CES5A: variants seen among roughly 807,000 people sequenced by gnomAD.
CES5A encodes carboxylesterase 5.
In CES5A, 67 loss-of-function variants were observed where a neutral mutation model predicts 62.9. The observed-to-expected ratio is 1.07, with a 90% CI of 0.88 to 1.31. The LOEUF is 1.31. Ranked by LOEUF, CES5A falls within the 50% of genes most tolerant of loss-of-function variation. The probability of loss-of-function intolerance (pLI) is 0.00; values close to 1 mark genes in which losing one functional copy is unlikely to be tolerated. For missense variants in CES5A, 748 were observed against 708.5 expected (o/e 1.06, Z -0.63); for synonymous variants, 296 against 280.8 (o/e 1.05, Z -0.54).
chr16:55,865,489 T>C (rs1240383104), intron 5 of CES5A, among the ~76,000 whole-genome samples: 1 of 152,238 alleles, frequency 6.6e-6, no homozygotes, highest in Non-Finnish European at 1.5e-5. Context: ...GCAGGTGGTT[T>C]ATGCAAGACA....
In CES5A at chr16:55,856,446, C is replaced by T. The variant is rs766556245; in HGVS notation, c.1057-1G>A. ...CACTGAGGATCTCAGGAGCCTCCTT[C>T]TGTGGAGAGAAGCGTGCCCTCTGTA... On this transcript the variant is annotated splice_acceptor_variant, in intron 8 of 12. Transcript: ENST00000290567. LOFTEE classifies it high-confidence loss of function. 62 of 1,614,004 alleles carry T rather than the reference C, an allele frequency of 3.8e-5. No individual in the cohort carries two copies. In the South Asian group the frequency reaches 6.4e-4, roughly 17 times the overall value.
rs555302947 is a variant in CES5A at position 55,941,192 on chromosome 16, AAAG to A, written c.160+8590_160+8592del. 5.3e-4 allele frequency among the ~76,000 whole-genome samples: 80 copies of A among 152,192 alleles called. 1 individual carries two copies. Among genetic ancestry groups the A allele is most frequent in the African/African-American group, 1.7e-3 (72 of 41,582 alleles). ...AGAATCAAAAGGCATACAGACTAGA[AAAG>A]AAGAAATAAAACCTTCTATTTGTAG... On this transcript the variant is annotated intron_variant, in intron 2 of 13. Transcript: ENST00000521992.
intron 1 of CES5A, among the ~76,000 whole-genome samples, chr16:55,917,721 G>A (rs1434783318): frequency 6.6e-6 from 1 of 152,114 alleles, no homozygotes; most frequent in African/African-American, 2.4e-5. Flanking sequence ...AATTCTGCTT[G>A]CTAGAAGTGA....
intron 2 of CES5A, among the ~76,000 whole-genome samples, chr16:55,943,204 C>A (rs1229823699): frequency 6.6e-6 from 1 of 152,164 alleles, no homozygotes; most frequent in East Asian, 1.9e-4. Flanking sequence ...ATAAATGTAG[C>A]ACTTTATTTT....
chr16:55,931,860 G>A (rs1469637284), intron 2 of CES5A, among the ~76,000 whole-genome samples: 1 of 152,164 alleles, frequency 6.6e-6, no homozygotes, highest in Non-Finnish European at 1.5e-5. Flanking sequence ...TGATGCTTAT[G>A]AAGCATCTAC....
At chr16:55,898,665 C>T (rs2033958762) in intron 1 of CES5A, among the ~76,000 whole-genome samples, 1 of 152,326 alleles carries the variant, frequency 6.6e-6, no homozygotes, top group African/African-American at 2.4e-5. Context: ...AAAAAGGTTT[C>T]ATCCTCATAA....
intron 2 of CES5A, among the ~76,000 whole-genome samples, chr16:55,940,754 A>G (rs1383286581): frequency 6.6e-6 from 1 of 151,956 alleles, no homozygotes; most frequent in African/African-American, 2.4e-5. Flanking sequence ...ATAAATACAG[A>G]AGCAAAATTT....
chr16:55,906,351 C>G (rs915623244), intron 1 of CES5A, among the ~76,000 whole-genome samples: 6 of 152,190 alleles, frequency 3.9e-5, no homozygotes, highest in Non-Finnish European at 7.3e-5. Context: ...CCACACGGAG[C>G]TGCAGCTGTA....
upstream of CES5A, among the ~76,000 whole-genome samples, chr16:55,878,832 C>T (rs1460026652): frequency 1.3e-5 from 2 of 148,586 alleles, no homozygotes; most frequent in Non-Finnish European, 3.0e-5. Flanking sequence ...CTACACCCAT[C>T]ACTGCACCCC....
At chr16:55,907,274 G>A (rs1018547604) in intron 1 of CES5A, among the ~76,000 whole-genome samples, 2 of 152,196 alleles carry the variant, frequency 1.3e-5, no homozygotes, top group East Asian at 3.9e-4. Flanking sequence ...ATGCAAAGGA[G>A]TCAGCTCCTC....
intron 2 of CES5A, among the ~76,000 whole-genome samples, chr16:55,949,460 T>TTCCTAGAAGCTGATCTAGG (rs376685650): frequency 6.4e-4 from 97 of 152,338 alleles, no homozygotes; most frequent in African/African-American, 2.2e-3. Context: ...ATGTCCTTCA[T>TTCCTAGAAGCTGATCTAGG]TCCTAGAAGC....
chr16:55,893,292 TG>T (rs2033899724), intron 1 of CES5A, among the ~76,000 whole-genome samples: 1 of 152,020 alleles, frequency 6.6e-6, no homozygotes, highest in Non-Finnish European at 1.5e-5. Flanking sequence ...AGATCAGACC[TG>T]TTTTCAATAT....
chr16:55,952,131 C>CA (rs1227960977), intron 1 of CES5A, among the ~76,000 whole-genome samples: 56 of 151,922 alleles, frequency 3.7e-4, no homozygotes, highest in Non-Finnish European at 8.8e-5. Flanking sequence ...AAATTAATAA[C>CA]AAAAAATGGC....
intron 2 of CES5A, among the ~76,000 whole-genome samples, chr16:55,948,814 C>A (rs535319783): frequency 3.3e-5 from 5 of 152,232 alleles, no homozygotes; most frequent in Admixed American, 2.6e-4. Flanking sequence ...TAAAGCTAAG[C>A]AGATTCCTTG....
intron 2 of CES5A, among the ~76,000 whole-genome samples, chr16:55,934,469 G>T (rs1206688722): frequency 1.3e-5 from 2 of 152,144 alleles, no homozygotes; most frequent in African/African-American, 4.8e-5. Flanking sequence ...CCACGGACTG[G>T]ACTTAGAAAT....
upstream of CES5A, among the ~76,000 whole-genome samples, chr16:55,879,550 A>C (rs1448301919): frequency 6.6e-6 from 1 of 152,044 alleles, no homozygotes; most frequent in Admixed American, 6.6e-5. Flanking sequence ...CTGCACCCCC[A>C]TCACTATATC....
At chr16:55,942,519 T>C (rs1225754654) in intron 2 of CES5A, among the ~76,000 whole-genome samples, 1 of 152,228 alleles carries the variant, frequency 6.6e-6, no homozygotes, top group African/African-American at 2.4e-5. Context: ...CTCACCAGAA[T>C]GGCTATTCTA....
At chr16:55,882,689 T>C (rs3909214) in intron 1 of CES5A, among the ~76,000 whole-genome samples, 22,988 of 152,246 alleles carry the variant, frequency 0.15, 1,833 homozygotes, top group South Asian at 0.18. Context: ...TTTGCCTCCT[T>C]CTTTTTAGCA....
chr16:55,954,175 T>G (rs2034584911), intron 1 of CES5A, among the ~76,000 whole-genome samples: 1 of 152,198 alleles, frequency 6.6e-6, no homozygotes, highest in African/African-American at 2.4e-5. Flanking sequence ...CTTTTTAGGT[T>G]CTATTTCCCT....
Sources: gnomAD v4.1 joint callset for allele counts (sites outside exome capture counted in the v4.1 genomes callset) on GRCh38, gnomAD v4.1.1 for gene constraint, MANE v1.5 for transcripts, NCBI Gene and HGNC (gene_info 2026-07-23, HGNC 2026-07-21) for gene names.